The following NDFIP1 variants were observed in gnomAD, a reference collection of about 807,000 sequenced individuals.
NDFIP1 encodes NEDD4 family-interacting protein 1.
In NDFIP1, 7 loss-of-function variants were observed where a neutral mutation model predicts 28.8. That is an observed-to-expected ratio of 0.24 (90% CI 0.14 to 0.46). NDFIP1 has a LOEUF of 0.46. Among genes scored for constraint, NDFIP1 ranks in the 20% least tolerant of loss-of-function variants. The probability of loss-of-function intolerance (pLI) is 0.99; values close to 1 mark genes in which losing one functional copy is unlikely to be tolerated. For synonymous variants in NDFIP1, 92 were observed against 101.0 expected (o/e 0.91, Z 0.53); for missense variants, 194 against 269.1 (o/e 0.72, Z 1.95).
intron 6 of NDFIP1, among the ~76,000 whole-genome samples, chr5:142,142,791 G>A (rs995021488): frequency 2.0e-5 from 3 of 151,456 alleles, no homozygotes; most frequent in Non-Finnish European, 4.4e-5. Context: ...AGCTGGCTGT[G>A]GTTGCTCATG....
intron 1 of NDFIP1, among the ~76,000 whole-genome samples, chr5:142,119,910 T>G (rs894673981): frequency 6.6e-6 from 1 of 152,212 alleles, no homozygotes; most frequent in Non-Finnish European, 1.5e-5. Context: ...ATCACAGTCC[T>G]TTCTCTATAG....
At chr5:142,119,129 A>T (rs1216621853) in intron 1 of NDFIP1, among the ~76,000 whole-genome samples, 2 of 152,202 alleles carry the variant, frequency 1.3e-5, no homozygotes, top group African/African-American at 4.8e-5. Flanking sequence ...ATCTATCTAT[A>T]TTAAGCTAAA....
intron 1 of NDFIP1, among the ~76,000 whole-genome samples, chr5:142,120,321 C>G (rs1363673697): frequency 1.3e-5 from 2 of 152,214 alleles, no homozygotes; most frequent in Non-Finnish European, 2.9e-5. Context: ...CCAATCTCGT[C>G]TGTTTATAAA....
In NDFIP1 at chr5:142,154,200, A is replaced by G. The variant is rs940128819; in HGVS notation, c.*2472A>G. ...AATAAATGGTTTTGGAAAGGTATTC[A>G]TAGGAACCGCGGTTATTTACTTAAG... On this transcript the variant is annotated 3_prime_UTR_variant, in exon 8 of 8. Transcript: ENST00000253814. 6.6e-6 allele frequency: 1 copy of G among 152,304 alleles called. No individual in the cohort carries two copies. The highest frequency in any genetic ancestry group is 2.4e-5 in the African/African-American group (1 of 41,444). 9.4% of individuals were successfully genotyped at this position (152,304 alleles called of 1,614,324 possible). A position where few individuals can be genotyped will look rare whatever the true frequency, so the allele number is the denominator to read the frequency against.
intron 1 of NDFIP1, among the ~76,000 whole-genome samples, chr5:142,112,776 A>T (rs1444580856): frequency 7.2e-6 from 1 of 138,476 alleles, no homozygotes; most frequent in Non-Finnish European, 1.5e-5. Flanking sequence ...ACGAAGTGAG[A>T]CTCTGTCCAA....
chr5:142,146,055 A>G (rs13185299), intron 7 of NDFIP1, among the ~76,000 whole-genome samples: 22,721 of 152,142 alleles, frequency 0.15, 2,288 homozygotes, highest in African/African-American at 0.29. Context: ...AATATAACAA[A>G]CATTTTTTCA....
chr5:142,117,284 G>A (rs1413166283), intron 1 of NDFIP1, among the ~76,000 whole-genome samples: 1 of 141,462 alleles, frequency 7.1e-6, no homozygotes, highest in African/African-American at 2.7e-5. Flanking sequence ...TCACTCTGTC[G>A]CCAGGCTGGA....
At chr5:142,139,063 C>G (rs1179532008) in intron 5 of NDFIP1, among the ~76,000 whole-genome samples, 1 of 150,840 alleles carries the variant, frequency 6.6e-6, no homozygotes, top group African/African-American at 2.4e-5. Flanking sequence ...TAAAAAAATA[C>G]AAAAAAAATA....
chr5:142,115,532 G>A (rs887925951), intron 1 of NDFIP1, among the ~76,000 whole-genome samples: 15 of 152,060 alleles, frequency 9.9e-5, no homozygotes, highest in Admixed American at 6.6e-5. Context: ...TGATCTGCCC[G>A]CCTCGGTCTC....
At chr5:142,113,843 T>C (rs1321028899) in intron 1 of NDFIP1, among the ~76,000 whole-genome samples, 1 of 152,252 alleles carries the variant, frequency 6.6e-6, no homozygotes, top group Admixed American at 6.5e-5. Flanking sequence ...CTTAGCATAA[T>C]GTCTTCAGAG....
intron 1 of NDFIP1, among the ~76,000 whole-genome samples, chr5:142,129,931 GA>G (rs1757210287): frequency 1.4e-5 from 1 of 73,302 alleles, no homozygotes; most frequent in Non-Finnish European, 3.6e-5. Flanking sequence ...AAAAAAAAAA[GA>G]AAGAAAGAAA....
At chr5:142,114,216 T>C (rs34864473) in intron 1 of NDFIP1, among the ~76,000 whole-genome samples, 1 of 152,168 alleles carries the variant, frequency 6.6e-6, no homozygotes, top group Non-Finnish European at 1.5e-5. Context: ...AACATACTTG[T>C]TATGTTCTCT....
chr5:142,112,784 CAA>C (rs377085787), intron 1 of NDFIP1, among the ~76,000 whole-genome samples: 12 of 105,100 alleles, frequency 1.1e-4, no homozygotes, highest in Admixed American at 1.9e-4. Flanking sequence ...AGACTCTGTC[CAA>C]AAAAAAAAAA....
At chr5:142,137,686 TG>T (rs780379194) in intron 4 of NDFIP1, 47 bp from the exon 5 acceptor site, 1 of 1,604,708 alleles carries the variant, frequency 6.2e-7, no homozygotes, top group Admixed American at 1.7e-5. Flanking sequence ...CTCTTGTTCT[TG>T]GGTAACAGGA....
chr5:142,138,084 G>C, intron 5 of NDFIP1: 1 of 409,338 alleles, frequency 2.4e-6, no homozygotes, highest in Non-Finnish European at 4.4e-6. Flanking sequence ...CATTAATATT[G>C]TTCACCATCT....
At chr5:142,142,946 TATATA>T (rs1561604566) in intron 6 of NDFIP1, 5 of 50,650 alleles carry the variant, frequency 9.9e-5, no homozygotes, top group Non-Finnish European at 2.0e-4. Flanking sequence ...AAAAAATATA[TATATA>T]TATATATATA....
rs368863627 is a variant in NDFIP1 at position 142,150,074 on chromosome 5, G to A, written c.*3-1657G>A. Among the ~76,000 whole-genome samples, 26 of 151,826 alleles carry A rather than the reference G, an allele frequency of 1.7e-4. No individual in the cohort carries two copies. The South Asian group carries it at 3.5e-3, about 21-fold the overall frequency. ...CGGGCGCCTGTAGTCCCAGCTACTCGGGAGGCTGAGGCAGGAGAACAGCAT... is the reference window on the plus strand; with the variant it reads ...CGGGCGCCTGTAGTCCCAGCTACTCAGGAGGCTGAGGCAGGAGAACAGCAT... On this transcript the variant is annotated intron_variant, in intron 7 of 7. Coordinates refer to ENST00000253814, the MANE Select transcript of NDFIP1 (RefSeq NM_030571.4).
chr5:142,142,664 A>G (rs540054265), intron 6 of NDFIP1, among the ~76,000 whole-genome samples: 7 of 152,158 alleles, frequency 4.6e-5, no homozygotes, highest in African/African-American at 1.7e-4. Flanking sequence ...GTGGTGGCTC[A>G]TGCCTGTAAT....
At chr5:142,114,640 A>C (rs1454437302) in intron 1 of NDFIP1, among the ~76,000 whole-genome samples, 1 of 152,212 alleles carries the variant, frequency 6.6e-6, no homozygotes, top group African/African-American at 2.4e-5. Flanking sequence ...TCTATGTGTA[A>C]CGCTAAAAGA....
Sources: gnomAD v4.1 joint callset for allele counts (sites outside exome capture counted in the v4.1 genomes callset) on GRCh38, gnomAD v4.1.1 for gene constraint, MANE v1.5 for transcripts, NCBI Gene and HGNC (gene_info 2026-07-23, HGNC 2026-07-21) for gene names.